Variants in RBFOX1 observed in about 807,000 individuals in gnomAD.
RBFOX1 encodes the protein RNA binding protein fox-1 homolog 1.
A neutral mutation model predicts 57.7 loss-of-function variants in RBFOX1; 8 were observed. The observed-to-expected ratio is 0.14, with a 90% confidence interval of 0.08 to 0.25. The LOEUF (loss-of-function observed/expected upper bound fraction) is 0.25, where lower values mean the gene tolerates loss of function less well. Among genes scored for constraint, RBFOX1 ranks in the 10% least tolerant of loss-of-function variants. The pLI is 1.00. For synonymous variants in RBFOX1, 326 were observed against 222.4 expected, an observed-to-expected ratio of 1.47 and a Z score of -4.15; for missense variants, 611 against 548.5, an observed-to-expected ratio of 1.11 and a Z score of -1.14.
intron 4 of RBFOX1, among the ~76,000 whole-genome samples, chr16:5,948,268 G>A (rs2059445721): frequency 1.3e-5 from 2 of 152,184 alleles, no homozygotes; most frequent in Admixed American, 6.5e-5. Flanking sequence ...CTTTGCTGCT[G>A]CTGATTTGTA....
At chr16:7,469,237 A>G (rs892595977) in intron 4 of RBFOX1, among the ~76,000 whole-genome samples, 7 of 137,606 alleles carry the variant, frequency 5.1e-5, no homozygotes, top group African/African-American at 1.6e-4. Flanking sequence ...TTTTTTTTTT[A>G]ATTCTTAGTA....
At chr16:6,094,870 GC>G (rs1261100908) in intron 1 of RBFOX1, among the ~76,000 whole-genome samples, 1 of 152,176 alleles carries the variant, frequency 6.6e-6, no homozygotes, top group Non-Finnish European at 1.5e-5. Context: ...GACCAGCCTG[GC>G]CAACATGATG....
intron 3 of RBFOX1, among the ~76,000 whole-genome samples, chr16:5,824,075 G>T (rs2055950931): frequency 6.6e-6 from 1 of 152,190 alleles, no homozygotes; most frequent in African/African-American, 2.4e-5. Flanking sequence ...TGACTTACTA[G>T]TGAGGGAAAC....
At chr16:5,326,045 T>G (rs999580982) in intron 1 of RBFOX1, among the ~76,000 whole-genome samples, 1 of 152,240 alleles carries the variant, frequency 6.6e-6, no homozygotes, top group African/African-American at 2.4e-5. Flanking sequence ...TATAAGAGTT[T>G]GGCATCAGAG....
chr16:5,304,578 A>G (rs1430397099), intron 1 of RBFOX1, among the ~76,000 whole-genome samples: 1 of 152,230 alleles, frequency 6.6e-6, no homozygotes, highest in African/African-American at 2.4e-5. Context: ...CATTCATTGA[A>G]TAAATATCTA....
chr16:6,166,169 A>G (rs150343276), intron 1 of RBFOX1, among the ~76,000 whole-genome samples: 1 of 152,278 alleles, frequency 6.6e-6, no homozygotes, highest in African/African-American at 2.4e-5. Flanking sequence ...TTAGTTGGCA[A>G]TTCAGTCACT....
intron 2 of RBFOX1, among the ~76,000 whole-genome samples, chr16:6,587,092 G>C (rs917640897): frequency 6.6e-6 from 1 of 151,866 alleles, no homozygotes; most frequent in African/African-American, 2.4e-5. Flanking sequence ...ATTATTAACT[G>C]TAGTCACCAT....
In RBFOX1 at chr16:6,812,878, C is replaced by T. The variant is rs550262590; in HGVS notation, c.-16+158228C>T. Among the ~76,000 whole-genome samples the T allele has an allele frequency of 7.2e-5, 11 of 152,270 alleles. No individual in the cohort carries two copies. The South Asian group carries it at 2.3e-3, about 32-fold the overall frequency. ...AGAAATGGTGGGAAGCCCCTGAGTC[C>T]TTTGTCCATCATGTCAGAGTGACGA... On this transcript the variant is annotated intron_variant, in intron 3 of 15. Coordinates refer to ENST00000550418, the MANE Select transcript of RBFOX1 (RefSeq NM_018723.4).
At chr16:5,648,738 T>G (rs2151354509) in intron 3 of RBFOX1, among the ~76,000 whole-genome samples, 1 of 152,270 alleles carries the variant, frequency 6.6e-6, no homozygotes, top group East Asian at 1.9e-4. Context: ...TTTCCTTGTG[T>G]CTACCTCCTC....
intron 5 of RBFOX1, among the ~76,000 whole-genome samples, chr16:7,545,607 C>T (rs2084251360): frequency 1.3e-5 from 2 of 152,256 alleles, no homozygotes; most frequent in Admixed American, 6.5e-5. Flanking sequence ...AGCTCAGTCT[C>T]CACTTCTTTC....
chr16:6,312,537 G>A (rs1187242191), intron 1 of RBFOX1, among the ~76,000 whole-genome samples: 2 of 152,096 alleles, frequency 1.3e-5, no homozygotes, highest in African/African-American at 2.4e-5. Context: ...AGGATCAGGC[G>A]CTGCAGACCC....
intron 1 of RBFOX1, among the ~76,000 whole-genome samples, chr16:6,311,916 C>T (rs1055468281): frequency 6.6e-6 from 1 of 152,138 alleles, no homozygotes; most frequent in Non-Finnish European, 1.5e-5. Context: ...ATCAAGCAAC[C>T]CTGGGCAGCT....
intron 1 of RBFOX1, among the ~76,000 whole-genome samples, chr16:6,064,399 A>C (rs557605994): frequency 6.6e-6 from 1 of 152,256 alleles, no homozygotes; most frequent in East Asian, 1.9e-4. Context: ...CCACAAAATT[A>C]CTTAGAATTT....
At chr16:6,021,036 G>C (rs938131209) in intron 1 of RBFOX1, among the ~76,000 whole-genome samples, 1 of 152,196 alleles carries the variant, frequency 6.6e-6, no homozygotes, top group Non-Finnish European at 1.5e-5. Context: ...CTGGGGTGCG[G>C]CTACTGAAGA....
chr16:6,804,894 A>G (rs1413805103), intron 3 of RBFOX1, among the ~76,000 whole-genome samples: 1 of 152,192 alleles, frequency 6.6e-6, no homozygotes, highest in Non-Finnish European at 1.5e-5. Context: ...CCCAAACATT[A>G]ACTGAAAAAC....
intron 4 of RBFOX1, among the ~76,000 whole-genome samples, chr16:7,070,617 G>T (rs1056266859): frequency 6.6e-6 from 1 of 152,090 alleles, no homozygotes; most frequent in Non-Finnish European, 1.5e-5. Context: ...ATTAACCTGG[G>T]TTTGCTTATT....
intron 3 of RBFOX1, among the ~76,000 whole-genome samples, chr16:5,790,892 A>G (rs1204308760): frequency 7.0e-6 from 1 of 143,672 alleles, no homozygotes; most frequent in Non-Finnish European, 1.5e-5. Flanking sequence ...TTTTTGAGAC[A>G]TGATTTCACT....
chr16:6,494,693 C>T (rs987241349), intron 2 of RBFOX1, among the ~76,000 whole-genome samples: 4 of 152,182 alleles, frequency 2.6e-5, no homozygotes, highest in South Asian at 2.1e-4. Context: ...CATAAATGCC[C>T]AGGAATGGGC....
chr16:7,605,582 T>C (rs746413307), intron 9 of RBFOX1, among the ~76,000 whole-genome samples: 5 of 152,220 alleles, frequency 3.3e-5, no homozygotes, highest in Non-Finnish European at 7.3e-5. Context: ...GGCCTGTCTG[T>C]TGAGTTAGTG....
Sources: gnomAD v4.1 joint callset for allele counts (sites outside exome capture counted in the v4.1 genomes callset) on GRCh38, gnomAD v4.1.1 for gene constraint, MANE v1.5 for transcripts, NCBI Gene and HGNC (gene_info 2026-07-23, HGNC 2026-07-21) for gene names.